VDAC1: variants seen among roughly 807,000 people sequenced by gnomAD.
VDAC1 encodes non-selective voltage-gated ion channel VDAC1.
A neutral mutation model predicts 34.7 loss-of-function variants in VDAC1; 10 were observed. The observed-to-expected ratio is 0.29, with a 90% CI of 0.18 to 0.49. The LOEUF (loss-of-function observed/expected upper bound fraction) is 0.49, where lower values mean the gene tolerates loss of function less well. Ranked by LOEUF, VDAC1 falls within the 20% of genes least tolerant of loss-of-function variation. VDAC1 has a pLI of 0.99. For missense variants in VDAC1, 230 were observed against 347.9 expected (o/e 0.66, Z 2.69); for synonymous variants, 130 against 136.0 (o/e 0.96, Z 0.30).
chr5:133,983,262 AAAG>A, intron 5 of VDAC1, among the ~76,000 whole-genome samples: 1 of 151,898 alleles, frequency 6.6e-6, no homozygotes. Flanking sequence ...AAAAAAAAAA[AAAG>A]AAAAAGAAAT....
the VDAC1 span, among the ~76,000 whole-genome samples, chr5:134,058,220 T>C: frequency 1.3e-5 from 2 of 152,106 alleles, no homozygotes; most frequent in African/African-American, 4.8e-5. Flanking sequence ...GTCCTTGTTT[T>C]GTAAGCTGAT....
the VDAC1 span, among the ~76,000 whole-genome samples, chr5:134,067,514 T>A: frequency 2.0e-5 from 3 of 151,414 alleles, no homozygotes; most frequent in Admixed American, 6.6e-5. Flanking sequence ...TATAGAATTG[T>A]CTTAATAAAG....
At chr5:134,058,665 A>G in the VDAC1 span, among the ~76,000 whole-genome samples, 1 of 152,112 alleles carries the variant, frequency 6.6e-6, no homozygotes, top group Non-Finnish European at 1.5e-5. Context: ...CAGACCATGC[A>G]TTGCACCAGC....
chr5:134,092,580 G>A, the VDAC1 span, among the ~76,000 whole-genome samples: 1 of 151,850 alleles, frequency 6.6e-6, no homozygotes, highest in South Asian at 2.1e-4. Flanking sequence ...GGAGGCTGAG[G>A]CAGGAGAATC....
chr5:134,092,634 C>G, the VDAC1 span, among the ~76,000 whole-genome samples: 1 of 151,278 alleles, frequency 6.6e-6, no homozygotes, highest in African/African-American at 2.4e-5. Flanking sequence ...TGTGATCGTG[C>G]CACTGCACTC....
the VDAC1 span, among the ~76,000 whole-genome samples, chr5:134,026,143 A>C: frequency 6.6e-6 from 1 of 152,180 alleles, no homozygotes; most frequent in Non-Finnish European, 1.5e-5. Flanking sequence ...AGAGATTCTA[A>C]GGGAGAGGGA....
At chr5:134,104,924 G>A in the VDAC1 span, among the ~76,000 whole-genome samples, 1 of 152,200 alleles carries the variant, frequency 6.6e-6, no homozygotes, top group Non-Finnish European at 1.5e-5. Context: ...CATGGGGGCA[G>A]GGGGTCCCAA....
chr5:133,987,950 A>G (rs1752965342), intron 5 of VDAC1, among the ~76,000 whole-genome samples: 1 of 152,230 alleles, frequency 6.6e-6, no homozygotes, highest in Non-Finnish European at 1.5e-5. Flanking sequence ...ATTTAATCAT[A>G]AGGAAGCATC....
At chr5:134,105,949 C>T in the VDAC1 span, among the ~76,000 whole-genome samples, 5 of 152,262 alleles carry the variant, frequency 3.3e-5, no homozygotes, top group Admixed American at 1.3e-4. Context: ...GGAATCTCTC[C>T]GGCCTGAGAG....
intron 5 of VDAC1, among the ~76,000 whole-genome samples, chr5:133,984,419 C>CGTGTGTGTGTGTGTGTGT (rs70976506): frequency 2.5e-5 from 3 of 122,040 alleles, no homozygotes; most frequent in African/African-American, 9.6e-5. Flanking sequence ...CAATGACCAG[C>CGTGTGTGTGTGTGTGTGT]GTGTGTGTGT....
chr5:134,026,040 C>T, the VDAC1 span, among the ~76,000 whole-genome samples: 41 of 152,188 alleles, frequency 2.7e-4, 2 homozygotes, highest in South Asian at 7.3e-3. Flanking sequence ...AGTCTGGCCA[C>T]GGGGAGTCAT....
chr5:134,080,946 G>A, the VDAC1 span, among the ~76,000 whole-genome samples: 7 of 151,434 alleles, frequency 4.6e-5, no homozygotes, highest in Non-Finnish European at 7.4e-5. Context: ...GCGCAATCTC[G>A]GTTCACTGCA....
chr5:134,019,963 C>G, the VDAC1 span, among the ~76,000 whole-genome samples: 1 of 152,142 alleles, frequency 6.6e-6, no homozygotes, highest in East Asian at 1.9e-4. Flanking sequence ...CAGGTAGATA[C>G]ACAATTAATA....
At chr5:134,086,057 G>A in the VDAC1 span, among the ~76,000 whole-genome samples, 1 of 152,186 alleles carries the variant, frequency 6.6e-6, no homozygotes, top group African/African-American at 2.4e-5. Flanking sequence ...GTAGCCGGGT[G>A]TGATGGCGTG....
At chr5:133,991,833 A>G (rs1205081248) in intron 3 of VDAC1, among the ~76,000 whole-genome samples, 2 of 152,212 alleles carry the variant, frequency 1.3e-5, no homozygotes, top group Non-Finnish European at 1.5e-5. Flanking sequence ...GTTCCATACA[A>G]TGGTCACTAT....
chr5:134,013,930 A>G, the VDAC1 span, among the ~76,000 whole-genome samples: 26 of 151,638 alleles, frequency 1.7e-4, no homozygotes, highest in Admixed American at 1.1e-3. Context: ...TGACAGAGTG[A>G]GACTCCGTCT....
chr5:134,078,571 C>A, the VDAC1 span, among the ~76,000 whole-genome samples: 1 of 151,618 alleles, frequency 6.6e-6, no homozygotes, highest in African/African-American at 2.4e-5. Flanking sequence ...CCCAGTAGGG[C>A]CTTTACATTT....
chr5:133,973,927 A>G lies in VDAC1; in HGVS notation c.703-79T>C. The G allele has an allele frequency of 3.6e-6, 5 of 1,406,898 alleles. 1 individual carries two copies. The South Asian group carries it at 5.0e-5, about 14-fold the overall frequency. The allele number at this position is 1,406,898 out of a possible 1,614,324, so 87.2% of individuals were successfully genotyped here. On this transcript the variant is annotated intron_variant, in intron 7 of 8. Coordinates refer to ENST00000265333, the MANE Select transcript of VDAC1 (RefSeq NM_003374.3). Reference sequence around the variant, plus strand: ...TCCATCTCCAAAATTAGAGCTTTTTAGTCAACCAACCTTGGACTTTAGAAT... The same window carrying G: ...TCCATCTCCAAAATTAGAGCTTTTTGGTCAACCAACCTTGGACTTTAGAAT...
intron 7 of VDAC1, among the ~76,000 whole-genome samples, chr5:133,974,879 G>A (rs922882040): frequency 2.6e-5 from 4 of 152,096 alleles, no homozygotes; most frequent in Admixed American, 6.5e-5. Context: ...CTTGAACCTG[G>A]GGGACGGAGG....
Sources: allele counts gnomAD v4.1 joint callset (sites outside exome capture counted in the v4.1 genomes callset), GRCh38; gene constraint gnomAD v4.1.1; transcripts MANE v1.5; gene names NCBI Gene and HGNC (gene_info 2026-07-23, HGNC 2026-07-21).